Variants in RANBP17 observed in about 807,000 individuals in gnomAD.
RANBP17 encodes the protein ran-binding protein 17.
Under a neutral mutation model 141.2 loss-of-function variants are expected in RANBP17, and 158 were observed. The ratio of observed to expected loss-of-function variants is 1.12; its 90% CI spans 0.98 to 1.28. RANBP17 has a LOEUF of 1.28. RANBP17 is among the 50% of genes most tolerant of loss of function. RANBP17 has a pLI of 0.00. For missense variants in RANBP17, 1,438 were observed against 1,290.7 expected, an observed-to-expected ratio of 1.11 and a Z score of -1.75; for synonymous variants, 430 against 450.0, an observed-to-expected ratio of 0.96 and a Z score of 0.56.
intron 2 of RANBP17, 95 bp downstream of exon 2, chr5:170,878,338 T>C: frequency 4.8e-6 from 5 of 1,046,582 alleles, no homozygotes; most frequent in South Asian, 5.9e-5. Context: ...CTGATAGATA[T>C]TGCCACATGG....
chr5:171,134,345 A>G (rs1757126101), intron 14 of RANBP17, among the ~76,000 whole-genome samples: 1 of 152,218 alleles, frequency 6.6e-6, no homozygotes, highest in Non-Finnish European at 1.5e-5. Flanking sequence ...AAGGATTATC[A>G]TCTTTCAGAG....
chr5:171,187,056 C>G (rs1039362251), intron 18 of RANBP17, among the ~76,000 whole-genome samples: 1 of 152,108 alleles, frequency 6.6e-6, no homozygotes, highest in African/African-American at 2.4e-5. Flanking sequence ...ACGTGTAACT[C>G]TTCCTTTCAC....
intron 12 of RANBP17, among the ~76,000 whole-genome samples, chr5:170,947,198 C>T (rs993308057): frequency 1.3e-5 from 2 of 152,086 alleles, no homozygotes; most frequent in African/African-American, 4.8e-5. Context: ...AATGGGTCTA[C>T]ATTTTAATAC....
chr5:171,253,303 G>A (rs1765694362), intron 24 of RANBP17, among the ~76,000 whole-genome samples: 1 of 152,152 alleles, frequency 6.6e-6, no homozygotes, highest in Non-Finnish European at 1.5e-5. Context: ...CACCAATAAT[G>A]CCATGAATTC....
At position 170,991,612 on chromosome 5, in the gene RANBP17, G is replaced by C. The variant is rs140660064; in HGVS notation, c.1710+23235G>C. ...TTTTCATCAGATAGATCTCCAGCCA[G>C]CTCTGGGCTTCAACTAGCTCTCACT... On this transcript the variant is annotated intron_variant, in intron 14 of 27. Transcript: ENST00000523189. 1.3e-3 allele frequency among the ~76,000 whole-genome samples: 195 copies of C among 152,054 alleles called. 3 individuals are homozygous for C. The Middle Eastern group carries it at 0.02, about 16-fold the overall frequency.
At chr5:171,171,069 GT>G in intron 15 of RANBP17, 136 bp from the exon 16 acceptor site, 1 of 542,042 alleles carries the variant, frequency 1.8e-6, no homozygotes, top group South Asian at 2.8e-5. Flanking sequence ...AATAGACAAT[GT>G]TTTTGAGCCT....
At chr5:170,871,256 C>G (rs969562363) in intron 1 of RANBP17, among the ~76,000 whole-genome samples, 1 of 151,984 alleles carries the variant, frequency 6.6e-6, no homozygotes, top group African/African-American at 2.4e-5. Flanking sequence ...ACTATGTTGG[C>G]CAGGATGGTC....
chr5:171,055,430 C>T (rs972503373), intron 14 of RANBP17, among the ~76,000 whole-genome samples: 2 of 152,012 alleles, frequency 1.3e-5, no homozygotes, highest in Non-Finnish European at 2.9e-5. Flanking sequence ...AATCATGGTA[C>T]GAATGATTTG....
intron 7 of RANBP17, 133 bp downstream of exon 7, chr5:170,911,267 G>A (rs1322302510): frequency 4.5e-6 from 3 of 673,880 alleles, no homozygotes; most frequent in African/African-American, 1.8e-5. Context: ...ACCTGAAGTA[G>A]CTGCTGATAG....
intron 16 of RANBP17, among the ~76,000 whole-genome samples, chr5:171,182,221 G>C (rs1760905996): frequency 6.6e-6 from 1 of 152,210 alleles, no homozygotes; most frequent in African/African-American, 2.4e-5. Flanking sequence ...GCGTGAGTAG[G>C]TATTAGGGAA....
intron 16 of RANBP17, among the ~76,000 whole-genome samples, chr5:171,182,213 G>A (rs76426624): frequency 0.075 from 11,456 of 152,248 alleles, 601 homozygotes; most frequent in African/African-American, 0.14. Flanking sequence ...CAAGAAAGGC[G>A]TGAGTAGGTA....
At chr5:171,240,888 A>T in intron 22 of RANBP17, 40 bp from the exon 23 acceptor site, 1 of 1,344,032 alleles carries the variant, frequency 7.4e-7, no homozygotes, top group South Asian at 1.2e-5. Flanking sequence ...ACTTTGAATG[A>T]CATCTACTTA....
At chr5:170,880,796 T>C (rs1229495277) in intron 2 of RANBP17, among the ~76,000 whole-genome samples, 3 of 152,248 alleles carry the variant, frequency 2.0e-5, no homozygotes, top group African/African-American at 7.2e-5. Flanking sequence ...CATTTTTATC[T>C]TTTCTTATTT....
intron 18 of RANBP17, among the ~76,000 whole-genome samples, chr5:171,187,521 A>G (rs1183120755): frequency 1.3e-5 from 2 of 152,156 alleles, no homozygotes; most frequent in Non-Finnish European, 2.9e-5. Flanking sequence ...AACATGTTGT[A>G]TACAATAAAT....
At chr5:170,890,430 A>G (rs143503537) in intron 3 of RANBP17, among the ~76,000 whole-genome samples, 146 of 152,206 alleles carry the variant, frequency 9.6e-4, no homozygotes, top group African/African-American at 3.4e-3. Context: ...TTTTTATTGT[A>G]TAACTATTTT....
chr5:171,088,236 C>G (rs1419726251), intron 14 of RANBP17, among the ~76,000 whole-genome samples: 1 of 151,742 alleles, frequency 6.6e-6, no homozygotes, highest in Non-Finnish European at 1.5e-5. Context: ...CTTAGTTTGG[C>G]TGGATATGAA....
Position 170,917,800 on chromosome 5 carries a change from A to G in RANBP17, c.955-913A>G, listed in dbSNP as rs937301169. Among the ~76,000 whole-genome samples the G allele has an allele frequency of 3.3e-5, 5 of 152,174 alleles. No individual in the cohort carries two copies. The South Asian group carries it at 8.3e-4, about 25-fold the overall frequency. On this transcript the variant is annotated intron_variant, in intron 9 of 27. Transcript: ENST00000523189. ...ATAATTTCTCTTAAATGATTTTCCA[A>G]CATCCTTACGTTAATGTTTCATGGC...
intron 14 of RANBP17, among the ~76,000 whole-genome samples, chr5:171,068,966 T>C (rs1784476604): frequency 1.3e-5 from 2 of 152,218 alleles, no homozygotes; most frequent in Non-Finnish European, 2.9e-5. Context: ...ACTATCCTTG[T>C]CATGTTTTTG....
intron 14 of RANBP17, among the ~76,000 whole-genome samples, chr5:171,133,740 G>A (rs1027781637): frequency 8.5e-5 from 13 of 152,188 alleles, no homozygotes; most frequent in Admixed American, 2.6e-4. Flanking sequence ...GTGCTTAAAT[G>A]TATGACCAGG....
Sources: allele counts gnomAD v4.1 joint callset (sites outside exome capture counted in the v4.1 genomes callset), GRCh38; gene constraint gnomAD v4.1.1; transcripts MANE v1.5; gene names NCBI Gene and HGNC (gene_info 2026-07-23, HGNC 2026-07-21).